Variants in ATP9B observed in about 807,000 individuals in gnomAD.
ATP9B encodes the protein probable phospholipid-transporting ATPase IIB.
ATP9B carries 110 observed loss-of-function variants against 146.1 expected under a neutral mutation model. The ratio of observed to expected loss-of-function variants is 0.75; its 90% CI spans 0.65 to 0.88. The LOEUF (loss-of-function observed/expected upper bound fraction) is 0.88. ATP9B is among the 40% of genes least tolerant of loss of function. ATP9B has a pLI of 0.00. For missense variants in ATP9B, 1,499 were observed against 1,496.4 expected, an observed-to-expected ratio of 1.00 and a Z score of -0.03; for synonymous variants, 604 against 569.7, an observed-to-expected ratio of 1.06 and a Z score of -0.86.
chr18:79,279,472 G>A (rs947465088), intron 13 of ATP9B, among the ~76,000 whole-genome samples: 1 of 152,166 alleles, frequency 6.6e-6, no homozygotes, highest in Non-Finnish European at 1.5e-5. Context: ...CAACCGTACT[G>A]TTCCCAAAGA....
At chr18:79,210,503 G>A (rs1423912746) in intron 10 of ATP9B, among the ~76,000 whole-genome samples, 2 of 152,320 alleles carry the variant, frequency 1.3e-5, no homozygotes, top group Middle Eastern at 3.4e-3. Flanking sequence ...TGTCCTGGCT[G>A]TGTGGACTCT....
At chr18:79,171,423 G>C (rs1401620518) in intron 7 of ATP9B, among the ~76,000 whole-genome samples, 1 of 152,178 alleles carries the variant, frequency 6.6e-6, no homozygotes, top group Non-Finnish European at 1.5e-5. Flanking sequence ...AACCTAAATT[G>C]AGAGCTTTAA....
chr18:79,091,000 G>T (rs2074274247), intron 1 of ATP9B, among the ~76,000 whole-genome samples: 1 of 152,080 alleles, frequency 6.6e-6, no homozygotes, highest in Non-Finnish European at 1.5e-5. Flanking sequence ...TTCTGCATAT[G>T]GATATCCAGT....
chr18:79,347,046 G>A (rs894216559), intron 23 of ATP9B, among the ~76,000 whole-genome samples: 4 of 152,358 alleles, frequency 2.6e-5, no homozygotes, highest in African/African-American at 9.6e-5. Context: ...CAGCTCAGAT[G>A]TTAGCAGATC....
chr18:79,290,482 G>A lies in ATP9B; in HGVS notation c.1412-13122G>A, dbSNP rs188068239. Among the ~76,000 whole-genome samples, 1,008 of 152,232 alleles carry A rather than the reference G, an allele frequency of 6.6e-3. 6 individuals carry two copies. The highest frequency in any genetic ancestry group is 0.023 in the African/African-American group (940 of 41,572). On this transcript the variant is annotated intron_variant, in intron 13 of 29. Coordinates refer to ENST00000426216, the MANE Select transcript of ATP9B (RefSeq NM_198531.5). The stretch of plus-strand genomic sequence containing the variant: ...AGCCCGTCAGAAAAGTGCAGTATTC[G>A]GGTGGGAGTGACCCGATTTTCCAGG...
At chr18:79,234,801 C>T (rs1006612865) in intron 11 of ATP9B, among the ~76,000 whole-genome samples, 14 of 152,148 alleles carry the variant, frequency 9.2e-5, no homozygotes, top group Non-Finnish European at 1.6e-4. Flanking sequence ...TTTATTGTCA[C>T]GTTCAGCTCT....
chr18:79,096,127 G>C (rs9945750), intron 1 of ATP9B, among the ~76,000 whole-genome samples: 31,827 of 152,090 alleles, frequency 0.21, 3,708 homozygotes, highest in East Asian at 0.5. Flanking sequence ...CTTTGCTATA[G>C]TCATGTTTCA....
chr18:79,371,139 C>T (rs983530314), intron 26 of ATP9B, among the ~76,000 whole-genome samples: 10 of 151,982 alleles, frequency 6.6e-5, no homozygotes, highest in African/African-American at 1.2e-4. Flanking sequence ...TTTGGGAGGC[C>T]GAGGTGGGCG....
chr18:79,277,147 T>C lies in ATP9B; in HGVS notation c.1362T>C (p.Thr454=). Residue 454 remains threonine (T), a synonymous_variant, in exon 13 of 30, where the codon ACT becomes ACC. Coordinates refer to ENST00000426216, the MANE Select transcript of ATP9B (RefSeq NM_198531.5). ...CTGGCACGGTCGTTCGGACCAGCACTATCCCAGAGGAACTTGGGCGCCTGG... is the reference window on the plus strand; with the variant it reads ...CTGGCACGGTCGTTCGGACCAGCACCATCCCAGAGGAACTTGGGCGCCTGG... ...NIPGTVVRTS[T]IPEELGRLVY... 1 of 1,614,240 alleles carries C rather than the reference T, an allele frequency of 6.2e-7. No individual in the cohort carries two copies. The highest frequency in any genetic ancestry group is 8.5e-7 in the Non-Finnish European group (1 of 1,180,034).
intron 7 of ATP9B, among the ~76,000 whole-genome samples, chr18:79,172,157 T>C (rs1568327464): frequency 6.7e-6 from 1 of 150,082 alleles, no homozygotes; most frequent in African/African-American, 2.5e-5. Context: ...GACCTTGCGA[T>C]CTGCCTTGGC....
chr18:79,093,004 C>T (rs2074471470), intron 1 of ATP9B, among the ~76,000 whole-genome samples: 2 of 152,064 alleles, frequency 1.3e-5, no homozygotes. Flanking sequence ...ATATGAATGA[C>T]TGGTAGCACA....
At chr18:79,092,352 A>G (rs567257578) in intron 1 of ATP9B, among the ~76,000 whole-genome samples, 6 of 152,182 alleles carry the variant, frequency 3.9e-5, no homozygotes, top group Non-Finnish European at 7.3e-5. Flanking sequence ...CAGCAGGCAG[A>G]TGTGACACAA....
chr18:79,321,288 G>T (rs1568675526), intron 15 of ATP9B, among the ~76,000 whole-genome samples: 1 of 152,198 alleles, frequency 6.6e-6, no homozygotes, highest in Non-Finnish European at 1.5e-5. Context: ...TCTGCGTGAA[G>T]TATTGAGTAC....
chr18:79,219,354 G>A (rs974879483), intron 11 of ATP9B, among the ~76,000 whole-genome samples: 6 of 152,008 alleles, frequency 3.9e-5, no homozygotes, highest in African/African-American at 1.4e-4. Flanking sequence ...ATGAGAAGTG[G>A]ACTGATTGTG....
At chr18:79,339,197 T>G (rs1762122484) in intron 19 of ATP9B, among the ~76,000 whole-genome samples, 1 of 143,260 alleles carries the variant, frequency 7.0e-6, no homozygotes, top group African/African-American at 2.6e-5. Flanking sequence ...GTCATGAGGC[T>G]GTATCATATC....
intron 15 of ATP9B, among the ~76,000 whole-genome samples, chr18:79,310,698 A>T (rs1270918389): frequency 1.3e-5 from 2 of 152,192 alleles, no homozygotes; most frequent in Non-Finnish European, 2.9e-5. Flanking sequence ...CTGTGTGCAG[A>T]TGTGGGAACC....
rs772580069 is a variant in ATP9B, at chr18:79,307,258, G to A, written c.1773+24G>A. The A allele has an allele frequency of 3.5e-5, 56 of 1,613,588 alleles. No individual in the cohort carries two copies. In the East Asian group the frequency reaches 5.6e-4, roughly 16 times the overall value. On this transcript the variant is annotated intron_variant, in intron 15 of 29. Transcript: ENST00000426216. ...AGGTCAGTCAAAGCACAAAACCGTGGGAGCTTGTCCGTTCCATTTGGACTC... is the reference window on the plus strand; with the variant it reads ...AGGTCAGTCAAAGCACAAAACCGTGAGAGCTTGTCCGTTCCATTTGGACTC...
chr18:79,327,686 C>T (rs1341704750), intron 15 of ATP9B, among the ~76,000 whole-genome samples: 10 of 139,234 alleles, frequency 7.2e-5, no homozygotes, highest in African/African-American at 2.2e-4. Flanking sequence ...GGTTAGCGTG[C>T]TCTCCGTGGT....
rs976857359 is a variant in ATP9B, at chr18:79,271,861, T to G, written c.1269-5193T>G. Among the ~76,000 whole-genome samples the G allele has an allele frequency of 2.7e-3, 417 of 152,232 alleles. 1 individual carries two copies. Among genetic ancestry groups the G allele is most frequent in the Non-Finnish European group, 5.5e-3 (371 of 68,004 alleles). ...CTAGTTTACAGTCCCACCAACAGTG[T>G]AAAAGTGTTCCTATTTCTCCACATC... On this transcript the variant is annotated intron_variant, in intron 12 of 29. Transcript: ENST00000426216.
Sources: gnomAD v4.1 joint callset for allele counts (sites outside exome capture counted in the v4.1 genomes callset) on GRCh38, gnomAD v4.1.1 for gene constraint, MANE v1.5 for transcripts, NCBI Gene and HGNC (gene_info 2026-07-23, HGNC 2026-07-21) for gene names.